The following SNX29 variants were observed in gnomAD, a reference collection of about 807,000 sequenced individuals.
The protein encoded by SNX29 is sorting nexin 29.
In SNX29, 78 loss-of-function variants were observed where a neutral mutation model predicts 102.1. The ratio of observed to expected loss-of-function variants is 0.76; its 90% CI spans 0.64 to 0.92. SNX29 has a LOEUF of 0.92. SNX29 is among the 40% of genes least tolerant of loss of function. The pLI, the probability that SNX29 is intolerant of heterozygous loss-of-function variation, is 0.00. For synonymous variants in SNX29, 580 were observed against 414.5 expected (o/e 1.40, Z -4.85); for missense variants, 1,280 against 1,061.7 (o/e 1.21, Z -2.86).
chr16:12,551,500 GGCCTCA>G (rs2077974843), intron 20 of SNX29, among the ~76,000 whole-genome samples: 1 of 152,070 alleles, frequency 6.6e-6, no homozygotes, highest in South Asian at 2.1e-4. Context: ...TTAATCTTTG[GGCCTCA>G]GCATCAGGAT....
At chr16:12,540,841 C>T (rs889518726) in intron 20 of SNX29, among the ~76,000 whole-genome samples, 1 of 152,188 alleles carries the variant, frequency 6.6e-6, no homozygotes, top group East Asian at 1.9e-4. Context: ...ACAAGATCGC[C>T]TCCACCCTTT....
chr16:12,181,668 T>C (rs1007963603), intron 13 of SNX29, among the ~76,000 whole-genome samples: 4 of 149,076 alleles, frequency 2.7e-5, no homozygotes, highest in Non-Finnish European at 5.9e-5. Flanking sequence ...TGCCGGTGAT[T>C]TGGGGGCCTG....
intron 14 of SNX29, among the ~76,000 whole-genome samples, chr16:12,227,609 G>T (rs1355082821): frequency 6.6e-6 from 1 of 152,018 alleles, no homozygotes; most frequent in African/African-American, 2.4e-5. Context: ...TTCAAAATGA[G>T]GTCTCTGAGG....
rs946732431 is a variant in SNX29, at chr16:12,096,360, G to A, written c.1402+17445G>A. ...ACCAAACATCTCTCATGTGCTGGGC[G>A]CAGTTCTAGGTGCTGAGGAGCCAGA... is the stretch of plus-strand genomic sequence containing the variant. On this transcript the variant is annotated intron_variant, in intron 11 of 20. Transcript: ENST00000566228. This position sits in a 1 kb window ranked among gnomAD's most constrained non-coding sequence, Gnocchi z 4.2. Among the ~76,000 whole-genome samples the A allele has an allele frequency of 1.3e-5, 2 of 152,180 alleles. No homozygotes were observed. The highest frequency in any genetic ancestry group is 4.8e-5 in the African/African-American group (2 of 41,440).
At chr16:11,986,079 A>G (rs912550308) in intron 1 of SNX29, among the ~76,000 whole-genome samples, 3 of 152,088 alleles carry the variant, frequency 2.0e-5, no homozygotes, top group African/African-American at 7.2e-5. Flanking sequence ...TGCTGGGATG[A>G]CAGGTGTGAG....
chr16:12,096,872 A>T lies in SNX29; in HGVS notation c.1402+17957A>T, dbSNP rs1204798896. 1.3e-5 allele frequency among the ~76,000 whole-genome samples: 2 copies of T among 152,200 alleles called. No homozygotes were observed. The highest frequency in any genetic ancestry group is 4.8e-5 in the African/African-American group (2 of 41,456). Reference sequence around the variant, plus strand: ...CTTGCTCCCAGGAGGGGAAGGAGGAACCGATGACAGCAGGATGAATGTAGC... The same window carrying T: ...CTTGCTCCCAGGAGGGGAAGGAGGATCCGATGACAGCAGGATGAATGTAGC... On this transcript the variant is annotated intron_variant, in intron 11 of 20. Coordinates refer to ENST00000566228, the MANE Select transcript of SNX29 (RefSeq NM_032167.5). This position sits in a 1 kb window ranked among gnomAD's most constrained non-coding sequence, Gnocchi z 4.2.
chr16:12,478,211 C>A (rs1197988740), intron 19 of SNX29, among the ~76,000 whole-genome samples: 1 of 152,224 alleles, frequency 6.6e-6, no homozygotes, highest in Non-Finnish European at 1.5e-5. Context: ...ACAGTACAGA[C>A]ACAAATGAGT....
At chr16:12,176,166 C>T (rs1047185822) in intron 13 of SNX29, among the ~76,000 whole-genome samples, 6 of 152,198 alleles carry the variant, frequency 3.9e-5, no homozygotes, top group Non-Finnish European at 8.8e-5. Flanking sequence ...CAGTGTTAGA[C>T]TTCCAGCCTC....
rs567855622 is a variant in SNX29, at chr16:12,565,348, C to A, written c.2319-3158C>A. Among the ~76,000 whole-genome samples, 33 of 152,322 alleles carry A rather than the reference C, an allele frequency of 2.2e-4. 1 individual carries two copies. The South Asian group carries it at 5.4e-3, about 25-fold the overall frequency. On this transcript the variant is annotated intron_variant, in intron 20 of 20. Transcript: ENST00000566228. ...AGCAGTCTGGGTTTTCCATCTGTCA[C>A]GCACTCACTGAAGCCCCTGGTCTAG... is the stretch of plus-strand genomic sequence containing the variant.
At chr16:12,018,791 T>C (rs1022205429) in intron 3 of SNX29, among the ~76,000 whole-genome samples, 11 of 151,432 alleles carry the variant, frequency 7.3e-5, no homozygotes, top group Middle Eastern at 3.4e-3. Context: ...TCTCGCGATA[T>C]TGCCCATGCA....
intron 15 of SNX29, among the ~76,000 whole-genome samples, chr16:12,298,578 A>G (rs905794913): frequency 6.6e-6 from 1 of 152,208 alleles, no homozygotes; most frequent in Non-Finnish European, 1.5e-5. Flanking sequence ...TGTGTCTAAC[A>G]TTTAGAAGAA....
At chr16:12,338,772 G>C (rs1223766165) in intron 15 of SNX29, among the ~76,000 whole-genome samples, 1 of 152,152 alleles carries the variant, frequency 6.6e-6, no homozygotes, top group East Asian at 1.9e-4. Flanking sequence ...TCTCCCTGCA[G>C]ACCCCTACCC....
chr16:12,070,630 A>G (rs1163112980), intron 10 of SNX29, among the ~76,000 whole-genome samples: 1 of 151,750 alleles, frequency 6.6e-6, no homozygotes, highest in Non-Finnish European at 1.5e-5. Context: ...TAGTGCCACA[A>G]TAAACATATG....
chr16:12,288,994 C>T (rs567808487), intron 15 of SNX29, among the ~76,000 whole-genome samples: 1 of 152,312 alleles, frequency 6.6e-6, no homozygotes, highest in African/African-American at 2.4e-5. Context: ...CTAGCTCTAA[C>T]TTTTAGTTCT....
intron 20 of SNX29, among the ~76,000 whole-genome samples, chr16:12,567,116 T>C (rs2079043839): frequency 6.6e-6 from 1 of 152,074 alleles, no homozygotes; most frequent in Admixed American, 6.5e-5. Flanking sequence ...AATGCAAGTC[T>C]CTTAACTCAC....
intron 20 of SNX29, among the ~76,000 whole-genome samples, chr16:12,561,669 G>A (rs183300129): frequency 1.3e-5 from 2 of 152,278 alleles, no homozygotes; most frequent in East Asian, 1.9e-4. Flanking sequence ...CTCTGAGGGT[G>A]CCCTCACACA....
chr16:12,095,682 G>C (rs2052737328), intron 11 of SNX29, among the ~76,000 whole-genome samples: 1 of 152,176 alleles, frequency 6.6e-6, no homozygotes, highest in African/African-American at 2.4e-5. Context: ...TGGGTATTCA[G>C]CTTTTGAATC....
intron 4 of SNX29, among the ~76,000 whole-genome samples, chr16:12,041,881 C>G (rs1280865492): frequency 1.3e-5 from 2 of 152,144 alleles, no homozygotes; most frequent in African/African-American, 4.8e-5. Context: ...ATTCAGCCTA[C>G]AGCAAATGTT....
At chr16:12,539,596 A>G (rs2077231788) in intron 20 of SNX29, among the ~76,000 whole-genome samples, 1 of 152,204 alleles carries the variant, frequency 6.6e-6, no homozygotes, top group African/African-American at 2.4e-5. Flanking sequence ...TCTGTGCGGC[A>G]AATACCTAAG....
Sources: allele counts gnomAD v4.1 joint callset (sites outside exome capture counted in the v4.1 genomes callset), GRCh38; gene constraint gnomAD v4.1.1; non-coding constraint Gnocchi (gnomAD v3.1); transcripts MANE v1.5; gene names NCBI Gene and HGNC (gene_info 2026-07-23, HGNC 2026-07-21).